Variants in RGSL1 observed in about 807,000 individuals in gnomAD.
The protein encoded by RGSL1 is regulator of G protein signaling protein-like.
In RGSL1, 97 loss-of-function variants were observed where a neutral mutation model predicts 124.7. The observed-to-expected ratio is 0.78, with a 90% CI of 0.66 to 0.92. RGSL1 has a LOEUF of 0.92. RGSL1 is among the 40% of genes least tolerant of loss of function. RGSL1 has a pLI of 0.00. For missense variants in RGSL1, 1,233 were observed against 1,288.4 expected (o/e 0.96, Z 0.66); for synonymous variants, 424 against 438.1 (o/e 0.97, Z 0.40).
At chr1:182,534,795 C>G (rs1659427053) in intron 14 of RGSL1, among the ~76,000 whole-genome samples, 1 of 151,868 alleles carries the variant, frequency 6.6e-6, no homozygotes, top group Admixed American at 6.6e-5. Context: ...CCACTGCACT[C>G]CAGTCTGGGT....
intron 6 of RGSL1, among the ~76,000 whole-genome samples, chr1:182,477,654 C>T (rs541229769): frequency 6.6e-6 from 1 of 152,200 alleles, no homozygotes; most frequent in Non-Finnish European, 1.5e-5. Flanking sequence ...GACCTTGAGA[C>T]AGCCCCAACT....
In RGSL1 at chr1:182,548,322, A is replaced by G. The variant is rs1422511313; in HGVS notation, c.2675A>G (p.Asn892Ser). 2.5e-5 allele frequency: 39 copies of G among 1,551,782 alleles called. No homozygotes were observed. The highest frequency in any genetic ancestry group is 3.4e-5 in the Non-Finnish European group (39 of 1,147,046). Residue 892 changes from asparagine to serine, a missense_variant, in exon 16 of 22, where the codon AAT becomes AGT. Coordinates refer to ENST00000294854, the MANE Select transcript of RGSL1 (RefSeq NM_001137669.2). ...ACTTCACATTTCTTTTTTAGATTTA[A>G]TGATCTGGTCAGTTCAGCCCACATG... Reference protein sequence around the residue: ...LYFFSEMEKFNDLVSSAHMLQ... With the variant: ...LYFFSEMEKFSDLVSSAHMLQ...
intron 4 of RGSL1, chr1:182,471,427 T>C (rs1275131669): frequency 2.2e-6 from 1 of 454,674 alleles, no homozygotes; most frequent in African/African-American, 2.0e-5. Flanking sequence ...TGCAAGTTCC[T>C]AATGGTTTTC....
At chr1:182,490,730 G>A (rs563311567) in intron 8 of RGSL1, among the ~76,000 whole-genome samples, 78 of 152,174 alleles carry the variant, frequency 5.1e-4, no homozygotes, top group Admixed American at 2.5e-3. Context: ...CACCCTCCAT[G>A]GAAGCTCCTT....
intron 4 of RGSL1, among the ~76,000 whole-genome samples, chr1:182,464,474 A>T (rs770448800): frequency 1.3e-5 from 2 of 152,224 alleles, no homozygotes; most frequent in Non-Finnish European, 2.9e-5. Context: ...CTGTAATCCC[A>T]GCACTTTGGG....
intron 2 of RGSL1, 84 bp downstream of exon 2, chr1:182,454,124 G>A: frequency 1.2e-6 from 1 of 810,206 alleles, no homozygotes; most frequent in Admixed American, 2.4e-5. Flanking sequence ...TTTTTTGTTT[G>A]TTTGTTGTTA....
chr1:182,518,387 G>GACTA (rs1292039561), intron 9 of RGSL1, among the ~76,000 whole-genome samples: 1 of 152,168 alleles, frequency 6.6e-6, no homozygotes, highest in Non-Finnish European at 1.5e-5. Flanking sequence ...AGTGTGGGAA[G>GACTA]GCTAGCTAGG....
chr1:182,458,359 A>C lies in RGSL1; in HGVS notation c.137A>C (p.Gln46Pro). 1 of 1,552,172 alleles carries C rather than the reference A, an allele frequency of 6.4e-7. No individual in the cohort carries two copies. Among genetic ancestry groups the C allele is most frequent in the Non-Finnish European group, 8.7e-7 (1 of 1,147,092 alleles). The change falls in exon 3 of 22, where the codon CAG (glutamine) becomes CCG (proline). Residue 46 changes from glutamine to proline, a missense_variant. Coordinates refer to ENST00000294854, the MANE Select transcript of RGSL1 (RefSeq NM_001137669.2). Reference sequence around the variant, plus strand: ...CCATTTTATACTGTTGAAAATTCACAGTGGAGCTTGTGGCCAGAAATACCT... The same window carrying C: ...CCATTTTATACTGTTGAAAATTCACCGTGGAGCTTGTGGCCAGAAATACCT... ...QTPFYTVENSQWSLWPEIPCN... is the reference protein window; with the variant it reads ...QTPFYTVENSPWSLWPEIPCN...
In RGSL1 at chr1:182,540,202, G is replaced by T; in HGVS notation, c.2495-45G>T. 2.7e-6 allele frequency: 4 copies of T among 1,503,120 alleles called. No homozygotes were observed. The South Asian group carries it at 4.0e-5, about 15-fold the overall frequency. 93.1% of individuals were successfully genotyped at this position (1,503,120 alleles called of 1,614,324 possible). A position where few individuals can be genotyped will look rare whatever the true frequency, so the allele number is the denominator to read the frequency against. On this transcript the variant is annotated intron_variant, in intron 14 of 21. Coordinates refer to ENST00000294854, the MANE Select transcript of RGSL1 (RefSeq NM_001137669.2). ...TTATGCCCAGGTTGAGGGTAAGAGT[G>T]ACTTGATCAAACAAAATTGTAATTC... is the stretch of plus-strand genomic sequence containing the variant.
chr1:182,470,305 C>A (rs1219933323), intron 4 of RGSL1, among the ~76,000 whole-genome samples: 1 of 152,106 alleles, frequency 6.6e-6, no homozygotes, highest in Non-Finnish European at 1.5e-5. Context: ...AAATTCAACA[C>A]CCCTACAGTG....
chr1:182,459,288 T>G (rs1348476296), intron 3 of RGSL1, among the ~76,000 whole-genome samples: 2 of 152,196 alleles, frequency 1.3e-5, no homozygotes, highest in Non-Finnish European at 2.9e-5. Context: ...TCCCCACTCC[T>G]GTTTTCCTTT....
At chr1:182,474,880 A>C (rs1301151314) in intron 6 of RGSL1, among the ~76,000 whole-genome samples, 1 of 152,208 alleles carries the variant, frequency 6.6e-6, no homozygotes, top group Non-Finnish European at 1.5e-5. Context: ...TCTGGGTTGC[A>C]TGCTTCTTAT....
At chr1:182,551,544 A>G (rs1660565685) in intron 18 of RGSL1, among the ~76,000 whole-genome samples, 1 of 152,200 alleles carries the variant, frequency 6.6e-6, no homozygotes, top group Non-Finnish European at 1.5e-5. Context: ...AAACCCTCCC[A>G]TTAAGAAAGC....
chr1:182,469,159 G>T (rs1206256960), intron 4 of RGSL1, among the ~76,000 whole-genome samples: 1 of 152,028 alleles, frequency 6.6e-6, no homozygotes, highest in Non-Finnish European at 1.5e-5. Flanking sequence ...CAACAACAAA[G>T]AATTGGGCTT....
chr1:182,451,729 C>G (rs1285968736), intron 1 of RGSL1, among the ~76,000 whole-genome samples: 1 of 86,652 alleles, frequency 1.2e-5, no homozygotes, highest in Non-Finnish European at 2.9e-5. Flanking sequence ...TTTTGAAAGA[C>G]TTTAACAATA....
intron 4 of RGSL1, among the ~76,000 whole-genome samples, chr1:182,467,913 A>G (rs1435379818): frequency 6.6e-6 from 1 of 152,216 alleles, no homozygotes; most frequent in Admixed American, 6.5e-5. Flanking sequence ...ACTCAAACAA[A>G]TTTACAAGAC....
At chr1:182,455,762 G>A (rs1438983793) in intron 2 of RGSL1, among the ~76,000 whole-genome samples, 2 of 152,234 alleles carry the variant, frequency 1.3e-5, no homozygotes, top group Non-Finnish European at 1.5e-5. Flanking sequence ...TTGTAAGGGT[G>A]AGATGCCACA....
At chr1:182,556,846 A>G (rs1660896017) in intron 21 of RGSL1, among the ~76,000 whole-genome samples, 1 of 152,180 alleles carries the variant, frequency 6.6e-6, no homozygotes, top group South Asian at 2.1e-4. Context: ...CAGAAGTAAA[A>G]TGAGTCAGAA....
At chr1:182,509,829 C>A (rs1209186664) in intron 9 of RGSL1, among the ~76,000 whole-genome samples, 1 of 126,140 alleles carries the variant, frequency 7.9e-6, no homozygotes, top group Non-Finnish European at 1.7e-5. Flanking sequence ...CCCCCCCCCA[C>A]CTCCCTCCCG....
Sources: allele counts gnomAD v4.1 joint callset (sites outside exome capture counted in the v4.1 genomes callset), GRCh38; gene constraint gnomAD v4.1.1; transcripts MANE v1.5; gene names NCBI Gene and HGNC (gene_info 2026-07-23, HGNC 2026-07-21).